MRAS: variants seen among roughly 807,000 people sequenced by gnomAD.
MRAS encodes the protein muscle RAS oncogene homolog, also known as ras-related protein M-Ras.
Under a neutral mutation model 20.9 loss-of-function variants are expected in MRAS, and 4 were observed. The ratio of observed to expected loss-of-function variants is 0.19; its 90% CI spans 0.09 to 0.44. The LOEUF (loss-of-function observed/expected upper bound fraction) is 0.44, where lower values mean the gene tolerates loss of function less well. MRAS is among the 20% of genes least tolerant of loss of function. The pLI, the probability that MRAS is intolerant of heterozygous loss-of-function variation, is 0.99. For synonymous variants in MRAS, 98 were observed against 102.9 expected (o/e 0.95, Z 0.29); for missense variants, 154 against 277.5 (o/e 0.56, Z 3.16).
intron 2 of MRAS, among the ~76,000 whole-genome samples, chr3:138,390,625 C>G (rs895149878): frequency 3.9e-5 from 6 of 152,104 alleles, no homozygotes; most frequent in Admixed American, 3.3e-4. Context: ...GCCCTGGAGT[C>G]AGAACTGCTG....
chr3:138,378,362 C>T (rs755520922), intron 2 of MRAS, among the ~76,000 whole-genome samples: 4 of 152,234 alleles, frequency 2.6e-5, no homozygotes, highest in Non-Finnish European at 4.4e-5. Context: ...GCTGGCTGGC[C>T]TCAGGGGCCA....
At chr3:138,400,304 A>G (rs1038829420) in intron 4 of MRAS, 18 of 477,510 alleles carry the variant, frequency 3.8e-5, no homozygotes, top group Non-Finnish European at 6.3e-5. Context: ...GAGCTATTAA[A>G]TATCTCTGTG....
rs1009219533 is a variant in MRAS at position 138,402,664 on chromosome 3, C to G, written c.*395C>G. 5.8e-6 allele frequency: 1 copy of G among 173,668 alleles called. No individual in the cohort carries two copies. The highest frequency in any genetic ancestry group is 6.2e-5 in the Admixed American group (1 of 16,134). 10.8% of individuals were successfully genotyped at this position (173,668 alleles called of 1,614,324 possible). A position where few individuals can be genotyped will look rare whatever the true frequency, so the allele number is the denominator to read the frequency against. ...ATGAACAAGCTTCTTTCCCTTACCC[C>G]CCATCCACAATGTCTGAGCTTGGAT... On this transcript the variant is annotated 3_prime_UTR_variant, in exon 6 of 6. Transcript: ENST00000423968.
chr3:138,397,337 T>C lies in MRAS; in HGVS notation c.207T>C (p.Ala69=). ...QWAILDVLDT[A]GQEEFSAMRE... ...ATCCCACCCCAGTTCTGGACACAGC[T>C]GGGCAGGAGGAATTCAGCGCCATGC... Residue 69 remains alanine, a synonymous_variant, in exon 3 of 6, where the codon GCT becomes GCC. Coordinates refer to ENST00000423968, the MANE Select transcript of MRAS (RefSeq NM_001085049.3). 6.2e-7 allele frequency: 1 copy of C among 1,614,052 alleles called. No homozygotes were observed. Among genetic ancestry groups the C allele is most frequent in the Non-Finnish European group, 8.5e-7 (1 of 1,179,962 alleles).
At chr3:138,388,834 T>C (rs1212926386) in intron 2 of MRAS, among the ~76,000 whole-genome samples, 1 of 152,200 alleles carries the variant, frequency 6.6e-6, no homozygotes, top group Non-Finnish European at 1.5e-5. Flanking sequence ...AGGGGTGTCA[T>C]AAAAGTTTTT....
In MRAS at chr3:138,397,326, C is replaced by T. The variant is rs761952196; in HGVS notation, c.196C>T (p.Leu66=). Residue 66 remains leucine (L), a splice_region_variant and synonymous_variant, in exon 3 of 6, where the codon CTG becomes TTG. Coordinates refer to ENST00000423968, the MANE Select transcript of MRAS (RefSeq NM_001085049.3). ...IDNQWAILDV[L]DTAGQEEFSA... ...TGAGTGGCCTCATCCCACCCCAGTT[C>T]TGGACACAGCTGGGCAGGAGGAATT... is the stretch of plus-strand genomic sequence containing the variant. 2.1e-5 allele frequency: 34 copies of T among 1,613,842 alleles called. No individual in the cohort carries two copies. Among genetic ancestry groups the T allele is most frequent in the Non-Finnish European group, 2.8e-5 (33 of 1,179,940 alleles).
chr3:138,386,515 C>G (rs1225832877), intron 2 of MRAS, among the ~76,000 whole-genome samples: 1 of 152,136 alleles, frequency 6.6e-6, no homozygotes, highest in East Asian at 1.9e-4. Context: ...TGGAGTTTCA[C>G]TCTTGTTGCC....
At chr3:138,365,044 A>G (rs2108509199) in intron 1 of MRAS, among the ~76,000 whole-genome samples, 2 of 152,312 alleles carry the variant, frequency 1.3e-5, no homozygotes, top group South Asian at 4.1e-4. Context: ...GTGGCTCTGG[A>G]ACCACACTGT....
intron 2 of MRAS, among the ~76,000 whole-genome samples, chr3:138,395,961 G>A (rs2055227430): frequency 6.6e-6 from 1 of 152,236 alleles, no homozygotes; most frequent in African/African-American, 2.4e-5. Context: ...CGTTACCCCT[G>A]GGAGCTAACA....
intron 2 of MRAS, among the ~76,000 whole-genome samples, chr3:138,386,391 C>T (rs967780933): frequency 6.6e-6 from 1 of 152,186 alleles, no homozygotes; most frequent in Non-Finnish European, 1.5e-5. Context: ...TGGCTTCTTT[C>T]ACTTAGCACA....
chr3:138,393,048 G>A (rs545310236), intron 2 of MRAS, among the ~76,000 whole-genome samples: 8 of 152,070 alleles, frequency 5.3e-5, no homozygotes, highest in African/African-American at 1.2e-4. Context: ...GTGTATACTC[G>A]TATTTTTCTA....
chr3:138,371,914 C>T (rs537751734), intron 1 of MRAS, among the ~76,000 whole-genome samples: 3 of 152,122 alleles, frequency 2.0e-5, no homozygotes, highest in Non-Finnish European at 4.4e-5. Context: ...CTCCTTGTCA[C>T]TTTGTGACAC....
intron 4 of MRAS, among the ~76,000 whole-genome samples, chr3:138,399,543 G>A (rs1244844829): frequency 2.6e-5 from 1 of 39,008 alleles, no homozygotes; most frequent in Non-Finnish European, 4.4e-5. Context: ...TTACTCTGTC[G>A]CCCTCCATGC....
intron 2 of MRAS, among the ~76,000 whole-genome samples, chr3:138,393,337 T>C (rs1435417580): frequency 6.6e-6 from 1 of 152,236 alleles, no homozygotes; most frequent in African/African-American, 2.4e-5. Flanking sequence ...ACTGCTGGGA[T>C]TATAGGCTTG....
At chr3:138,363,289 C>T (rs1169340110) in intron 1 of MRAS, among the ~76,000 whole-genome samples, 1 of 152,144 alleles carries the variant, frequency 6.6e-6, no homozygotes, top group African/African-American at 2.4e-5. Context: ...TCTCGAACAC[C>T]TGACCTCGTG....
At chr3:138,366,825 G>C (rs1216805926) in intron 1 of MRAS, among the ~76,000 whole-genome samples, 1 of 152,200 alleles carries the variant, frequency 6.6e-6, no homozygotes, top group Admixed American at 6.5e-5. Flanking sequence ...CAGTACATAG[G>C]ACACTGCTTT....
chr3:138,402,337 G>T lies in MRAS; in HGVS notation c.*68G>T. ...CCTCGGGACCCCTCCCCACCTAACT[G>T]CACTGAAACCATTTCTAACCACAAC... is the stretch of plus-strand genomic sequence containing the variant. On this transcript the variant is annotated 3_prime_UTR_variant, in exon 6 of 6. Transcript: ENST00000423968. 1.5e-6 allele frequency: 2 copies of T among 1,323,402 alleles called. No individual in the cohort carries two copies. The highest frequency in any genetic ancestry group is 4.6e-5 in the East Asian group (2 of 43,298). The allele number at this position is 1,323,402 out of a possible 1,614,324, so 82.0% of individuals were successfully genotyped here. A position where few individuals can be genotyped will look rare whatever the true frequency, so the allele number is the denominator to read the frequency against.
intron 2 of MRAS, among the ~76,000 whole-genome samples, chr3:138,385,332 G>A (rs2054989267): frequency 6.6e-6 from 1 of 150,464 alleles, no homozygotes. Flanking sequence ...TTTTTGTAGA[G>A]ACGGGGTTCT....
rs1021688107 is a variant in MRAS, at chr3:138,348,723, G to C, written c.-63G>C. On this transcript the variant is annotated 5_prime_UTR_variant, in exon 1 of 6. Transcript: ENST00000423968. ...GCCTCCTCACCGGCGCAGGCTAGGA[G>C]GGGGCGGCCTGAGTGCCGTAGCCGA... The C allele has an allele frequency of 1.6e-4, 24 of 151,812 alleles. No homozygotes were observed. The highest frequency in any genetic ancestry group is 5.8e-4 in the African/African-American group (24 of 41,508). 9.4% of individuals were successfully genotyped at this position (151,812 alleles called of 1,614,324 possible).
Sources: allele counts gnomAD v4.1 joint callset (sites outside exome capture counted in the v4.1 genomes callset), GRCh38; gene constraint gnomAD v4.1.1; transcripts MANE v1.5; gene names NCBI Gene and HGNC (gene_info 2026-07-23, HGNC 2026-07-21).